PHACTR3: variants seen among roughly 807,000 people sequenced by gnomAD.
PHACTR3 encodes the protein phosphatase and actin regulator 3.
In PHACTR3, 16 loss-of-function variants were observed where a neutral mutation model predicts 66.8. The ratio of observed to expected loss-of-function variants is 0.24; its 90% CI spans 0.16 to 0.36. The LOEUF (loss-of-function observed/expected upper bound fraction) is 0.36. Among genes scored for constraint, PHACTR3 ranks in the 10% least tolerant of loss-of-function variants. The pLI, the probability that PHACTR3 is intolerant of heterozygous loss-of-function variation, is 1.00. For missense variants in PHACTR3, 647 were observed against 719.9 expected (o/e 0.90, Z 1.16); for synonymous variants, 323 against 292.1 (o/e 1.11, Z -1.08).
intron 7 of PHACTR3, among the ~76,000 whole-genome samples, chr20:59,782,225 G>T (rs1242312363): frequency 6.6e-6 from 1 of 152,096 alleles, no homozygotes; most frequent in African/African-American, 2.4e-5. Context: ...AGAGGTGGTT[G>T]TTTTTTTCAT....
intron 1 of PHACTR3, among the ~76,000 whole-genome samples, chr20:59,694,623 G>A (rs188027841): frequency 1.8e-4 from 27 of 152,246 alleles, no homozygotes; most frequent in Admixed American, 3.3e-4. Flanking sequence ...TAGGTATGGG[G>A]CAAGGCACTG....
At chr20:59,583,663 G>A (rs930153079) in intron 1 of PHACTR3, among the ~76,000 whole-genome samples, 2 of 152,172 alleles carry the variant, frequency 1.3e-5, no homozygotes, top group East Asian at 1.9e-4. Flanking sequence ...CTTCGGTAGC[G>A]GTTTATTTTA....
At chr20:59,834,866 C>T (rs926125798) in intron 8 of PHACTR3, among the ~76,000 whole-genome samples, 1 of 152,206 alleles carries the variant, frequency 6.6e-6, no homozygotes, top group Non-Finnish European at 1.5e-5. Context: ...CCCTGGGCCA[C>T]ACTGGAAGAA....
intron 1 of PHACTR3, among the ~76,000 whole-genome samples, chr20:59,720,529 A>G (rs957312472): frequency 4.0e-5 from 6 of 151,836 alleles, no homozygotes; most frequent in African/African-American, 1.5e-4. Flanking sequence ...GCTTGACTCT[A>G]CCCTCTGAGT....
At chr20:59,660,073 T>C (rs1314010383) in intron 1 of PHACTR3, among the ~76,000 whole-genome samples, 1 of 152,202 alleles carries the variant, frequency 6.6e-6, no homozygotes, top group Non-Finnish European at 1.5e-5. Flanking sequence ...TTGAGTTTCC[T>C]CCTTAGCCCC....
chr20:59,581,398 C>T (rs1668038066), intron 1 of PHACTR3, among the ~76,000 whole-genome samples: 1 of 152,222 alleles, frequency 6.6e-6, no homozygotes, highest in African/African-American at 2.4e-5. Flanking sequence ...CTCCCCACAG[C>T]CAGTGGCCCC....
At chr20:59,693,925 G>A (rs535158390) in intron 1 of PHACTR3, among the ~76,000 whole-genome samples, 18 of 152,260 alleles carry the variant, frequency 1.2e-4, no homozygotes, top group African/African-American at 4.3e-4. Flanking sequence ...GCAGGCAATT[G>A]GCAACGTAAG....
intron 4 of PHACTR3, among the ~76,000 whole-genome samples, chr20:59,765,689 C>T (rs1264749600): frequency 6.6e-6 from 1 of 152,214 alleles, no homozygotes; most frequent in Non-Finnish European, 1.5e-5. Flanking sequence ...TGGAGGCTCT[C>T]TGCAGGCAGG....
At chr20:59,601,850 G>A (rs961869829), upstream of PHACTR3, among the ~76,000 whole-genome samples, 2 of 152,140 alleles carry the variant, frequency 1.3e-5, no homozygotes, top group Admixed American at 6.5e-5. Flanking sequence ...ATAAAACTTG[G>A]TTGCATCTCA....
At chr20:59,698,431 TAAAAAAA>T (rs1000503587) in intron 1 of PHACTR3, among the ~76,000 whole-genome samples, 1 of 146,786 alleles carries the variant, frequency 6.8e-6, no homozygotes, top group African/African-American at 2.5e-5. Flanking sequence ...TGTTGAATGA[TAAAAAAA>T]AAAGGATTTC....
rs1298287124 is a variant in PHACTR3 at position 59,743,170 on chromosome 20, C to T, written c.182C>T (p.Pro61Leu). 4 of 1,613,998 alleles carry T rather than the reference C, an allele frequency of 2.5e-6. No individual in the cohort carries two copies. The highest frequency in any genetic ancestry group is 1.3e-5 in the African/African-American group (1 of 74,938). Residue 61 changes from proline (P) to leucine (L), a missense_variant, in exon 2 of 13, where the codon CCT becomes CTT. Coordinates refer to ENST00000371015, the MANE Select transcript of PHACTR3 (RefSeq NM_080672.5). ...EYLVSGIRTP[P>L]VRRNSKLATL... ...CTGGTCTCAGGGATTCGAACTCCCC[C>T]TGTGAGGAGGAACAGCAAACTGGCC...
chr20:59,655,936 A>G (rs377098852), intron 1 of PHACTR3, among the ~76,000 whole-genome samples: 3 of 151,680 alleles, frequency 2.0e-5, no homozygotes, highest in South Asian at 2.1e-4. Flanking sequence ...TTTAATTTCC[A>G]TATGTTTGTG....
intron 1 of PHACTR3, among the ~76,000 whole-genome samples, chr20:59,607,321 C>A (rs901710949): frequency 1.3e-5 from 2 of 152,148 alleles, no homozygotes; most frequent in Non-Finnish European, 2.9e-5. Flanking sequence ...TCAGTCACTT[C>A]TTGGAAAGTC....
chr20:59,668,196 G>A (rs2036061383), intron 1 of PHACTR3, among the ~76,000 whole-genome samples: 1 of 152,136 alleles, frequency 6.6e-6, no homozygotes, highest in Non-Finnish European at 1.5e-5. Flanking sequence ...ACGTACGCCT[G>A]TACAGGGTTA....
intron 8 of PHACTR3, 85 bp from the exon 9 acceptor site, chr20:59,836,420 A>T: frequency 7.4e-7 from 1 of 1,353,152 alleles, no homozygotes; most frequent in Non-Finnish European, 1.0e-6. Flanking sequence ...GGGGTTTGCC[A>T]GCCACCTCTC....
intron 1 of PHACTR3, among the ~76,000 whole-genome samples, chr20:59,642,904 T>TG (rs1555882277): frequency 3.9e-5 from 6 of 152,036 alleles, no homozygotes; most frequent in African/African-American, 1.4e-4. Flanking sequence ...TCTTCTTGTT[T>TG]TTTGTTTGTT....
intron 1 of PHACTR3, among the ~76,000 whole-genome samples, chr20:59,653,225 C>T (rs1480383346): frequency 6.6e-6 from 1 of 150,448 alleles, no homozygotes; most frequent in Non-Finnish European, 1.5e-5. Context: ...TGCTCTGGCA[C>T]CCAGGCTGGA....
At chr20:59,635,468 A>G (rs1038701041) in intron 1 of PHACTR3, among the ~76,000 whole-genome samples, 14 of 151,760 alleles carry the variant, frequency 9.2e-5, no homozygotes, top group Non-Finnish European at 1.8e-4. Flanking sequence ...TCCTGACCTC[A>G]GGTGATCCAT....
intron 9 of PHACTR3, among the ~76,000 whole-genome samples, chr20:59,839,260 G>T (rs2059016726): frequency 6.6e-6 from 1 of 151,988 alleles, no homozygotes; most frequent in Non-Finnish European, 1.5e-5. Flanking sequence ...CTTGTATAAA[G>T]AATTAAGCAG....
Sources: gnomAD v4.1 joint callset for allele counts (sites outside exome capture counted in the v4.1 genomes callset) on GRCh38, gnomAD v4.1.1 for gene constraint, MANE v1.5 for transcripts, NCBI Gene and HGNC (gene_info 2026-07-23, HGNC 2026-07-21) for gene names.